The following ABCA1 variants were observed in gnomAD, a reference collection of about 807,000 sequenced individuals.
ABCA1 encodes the protein phospholipid-transporting ATPase ABCA1.
A neutral mutation model predicts 262.5 loss-of-function variants in ABCA1; 133 were observed. The observed-to-expected ratio is 0.51, with a 90% CI of 0.44 to 0.59. ABCA1 has a LOEUF of 0.59. ABCA1 is among the 20% of genes least tolerant of loss of function. The pLI, the probability that ABCA1 is intolerant of heterozygous loss-of-function variation, is 0.00. For missense variants in ABCA1, 2,452 were observed against 2,777.5 expected, an observed-to-expected ratio of 0.88 and a Z score of 2.63; for synonymous variants, 1,022 against 1,043.5, an observed-to-expected ratio of 0.98 and a Z score of 0.40.
At chr9:104,870,524 G>A (rs114154818) in intron 5 of ABCA1, among the ~76,000 whole-genome samples, 311 of 152,302 alleles carry the variant, frequency 2.0e-3, no homozygotes, top group African/African-American at 7.0e-3. Context: ...TGATTTGAAC[G>A]TGTCCCCCCT....
intron 14 of ABCA1, 80 bp from the exon 15 acceptor site, chr9:104,829,218 C>T: frequency 1.4e-6 from 2 of 1,417,706 alleles, no homozygotes; most frequent in East Asian, 2.4e-5. Flanking sequence ...TCTGAGCCTG[C>T]ATGCTAGAGG....
At chr9:104,784,518 T>C (rs1828739609) in intron 49 of ABCA1, 63 bp from the exon 50 acceptor site, 1 of 1,601,968 alleles carries the variant, frequency 6.2e-7, no homozygotes, top group South Asian at 1.1e-5. Flanking sequence ...TTTATTCTAG[T>C]TCTATTTTTC....
chr9:104,924,454 A>G (rs1475721992), intron 1 of ABCA1, among the ~76,000 whole-genome samples: 1 of 151,966 alleles, frequency 6.6e-6, no homozygotes, highest in Admixed American at 6.6e-5. Context: ...TACTAAAAAC[A>G]CAAAAACTAG....
chr9:104,862,664 C>CAGGGCAGGGCAGGGCAGGGCA (rs1564198671), intron 5 of ABCA1, among the ~76,000 whole-genome samples: 2 of 7,066 alleles, frequency 2.8e-4, no homozygotes, highest in African/African-American at 1.1e-3. Flanking sequence ...CGGGCCGGGC[C>CAGGGCAGGGCAGGGCAGGGCA]GGGCCGGGCC....
At chr9:104,920,994 T>C (rs1347449588) in intron 1 of ABCA1, among the ~76,000 whole-genome samples, 5 of 152,170 alleles carry the variant, frequency 3.3e-5, no homozygotes, top group African/African-American at 1.2e-4. Flanking sequence ...TAACCAGAAT[T>C]CCAATCTACA....
Position 104,889,163 on chromosome 9 carries a change from T to G in ABCA1, c.99A>C (p.Leu33=). 6.2e-7 allele frequency: 1 copy of G among 1,614,098 alleles called. No homozygotes were observed. The highest frequency in any genetic ancestry group is 1.3e-5 in the African/African-American group (1 of 75,014). ...CQLLLEVAWP[L]FIFLILISVR... Reference sequence around the variant, plus strand: ...CAGAGATCAGGATCAGGAAGATAAATAGAGGCCAGGCCACTTCCAGCAGCA... The same window carrying G: ...CAGAGATCAGGATCAGGAAGATAAAGAGAGGCCAGGCCACTTCCAGCAGCA... Residue 33 remains leucine (L), a synonymous_variant, in exon 3 of 50, where the codon CTA becomes CTC. Transcript: ENST00000374736.
At chr9:104,822,815 T>C (rs1343370999) in intron 18 of ABCA1, 148 bp from the exon 19 acceptor site, 21 of 843,642 alleles carry the variant, frequency 2.5e-5, no homozygotes, top group Non-Finnish European at 3.7e-5. Context: ...CTATAAATGT[T>C]TATTTAGGGC....
intron 5 of ABCA1, among the ~76,000 whole-genome samples, chr9:104,865,091 T>G (rs1331703620): frequency 6.6e-6 from 1 of 152,176 alleles, no homozygotes; most frequent in Non-Finnish European, 1.5e-5. Context: ...CATGTAGGCT[T>G]AGACTCACAC....
At chr9:104,892,484 G>A (rs57877911) in intron 2 of ABCA1, among the ~76,000 whole-genome samples, 2,964 of 152,122 alleles carry the variant, frequency 0.019, 115 homozygotes, top group African/African-American at 0.069. Flanking sequence ...CTATGAAAAT[G>A]AACTTTTCTC....
At chr9:104,866,469 C>T (rs1370089324) in intron 5 of ABCA1, among the ~76,000 whole-genome samples, 3 of 151,802 alleles carry the variant, frequency 2.0e-5, no homozygotes, top group African/African-American at 7.3e-5. Flanking sequence ...GTTAGGTGGC[C>T]AGCCCTTTTT....
At chr9:104,885,636 A>G (rs1839103316) in intron 3 of ABCA1, among the ~76,000 whole-genome samples, 1 of 152,146 alleles carries the variant, frequency 6.6e-6, no homozygotes, top group African/African-American at 2.4e-5. Context: ...TACCAAAAGG[A>G]TGATGGGACA....
rs141842089 is a variant in ABCA1 at position 104,906,436 on chromosome 9, T to C, written c.-92-2665A>G. 2.0e-5 allele frequency among the ~76,000 whole-genome samples: 3 copies of C among 152,256 alleles called. No individual in the cohort carries two copies. The East Asian group carries it at 5.8e-4, about 29-fold the overall frequency. On this transcript the variant is annotated intron_variant, in intron 1 of 49. Coordinates refer to ENST00000374736, the MANE Select transcript of ABCA1 (RefSeq NM_005502.4). ...TGGGTTTCAAGAAAAAGGTTCTGAC[T>C]CCAAGGACTCTCCAGGAAGCACATG... is the stretch of plus-strand genomic sequence containing the variant.
intron 2 of ABCA1, among the ~76,000 whole-genome samples, chr9:104,900,856 C>G (rs1306514743): frequency 6.6e-6 from 1 of 152,208 alleles, no homozygotes; most frequent in East Asian, 1.9e-4. Flanking sequence ...AAATATACTT[C>G]CTTTAGAAAT....
intron 2 of ABCA1, among the ~76,000 whole-genome samples, chr9:104,894,972 G>C (rs3847305): frequency 0.24 from 36,998 of 152,172 alleles, 6,680 homozygotes; most frequent in African/African-American, 0.51. Context: ...AGAAACCAAA[G>C]TTGACTTCTG....
chr9:104,784,527 T>C lies in ABCA1; in HGVS notation c.6646-72A>G, dbSNP rs1379039690. 5 of 1,592,486 alleles carry C rather than the reference T, an allele frequency of 3.1e-6. No individual in the cohort carries two copies. The African/African-American group carries it at 4.0e-5, about 13-fold the overall frequency. Reference sequence around the variant, plus strand: ...TCATTCTTTATTCTAGTTCTATTTTTCCAGATGTTGAAATTAGGTCAAGTA... The same window carrying C: ...TCATTCTTTATTCTAGTTCTATTTTCCCAGATGTTGAAATTAGGTCAAGTA... On this transcript the variant is annotated intron_variant, in intron 49 of 49. Transcript: ENST00000374736.
At position 104,800,720 on chromosome 9, in the gene ABCA1, A is replaced by C. The variant is rs1234686328; in HGVS notation, c.4699-136T>G. The stretch of plus-strand genomic sequence containing the variant: ...ACCTTGTTCACTGAAATTAAATGTG[A>C]AGCCATTAAATAAACGGCTCCTGAG... On this transcript the variant is annotated intron_variant, in intron 34 of 49. Transcript: ENST00000374736. 3 of 803,060 alleles carry C rather than the reference A, an allele frequency of 3.7e-6. No homozygotes were observed. The African/African-American group carries it at 5.1e-5, about 14-fold the overall frequency. The allele number at this position is 803,060 out of a possible 1,614,324, so 49.7% of individuals were successfully genotyped here. A position where few individuals can be genotyped will look rare whatever the true frequency, so the allele number is the denominator to read the frequency against.
chr9:104,817,214 C>T lies in ABCA1; in HGVS notation c.3535+118G>A. On this transcript the variant is annotated intron_variant, in intron 24 of 49. Coordinates refer to ENST00000374736, the MANE Select transcript of ABCA1 (RefSeq NM_005502.4). The surrounding 1 kb of genome is among the most constrained non-coding windows in gnomAD (Gnocchi z 4.7). ...ACACCCGCAGCCACCCAGCCCCAGC[C>T]CAGCAGCAAACCTTGAGTCAGCGCC... 1.3e-6 allele frequency: 2 copies of T among 1,590,840 alleles called. No individual in the cohort carries two copies. The highest frequency in any genetic ancestry group is 2.3e-5 in the South Asian group (2 of 88,834).
chr9:104,792,711 C>G, intron 42 of ABCA1, 75 bp downstream of exon 42: 1 of 1,604,354 alleles, frequency 6.2e-7, no homozygotes, highest in Non-Finnish European at 8.5e-7. Context: ...TTAAGCAAGT[C>G]AGCAAACTGC....
At chr9:104,852,703 C>T (rs1835477456) in intron 7 of ABCA1, among the ~76,000 whole-genome samples, 1 of 152,134 alleles carries the variant, frequency 6.6e-6, no homozygotes, top group African/African-American at 2.4e-5. Context: ...TGTGTCATTC[C>T]ACCCATTACC....
Sources: allele counts gnomAD v4.1 joint callset (sites outside exome capture counted in the v4.1 genomes callset), GRCh38; gene constraint gnomAD v4.1.1; non-coding constraint Gnocchi (gnomAD v3.1); transcripts MANE v1.5; gene names NCBI Gene and HGNC (gene_info 2026-07-23, HGNC 2026-07-21).